TNFAIP8: variants seen among roughly 807,000 people sequenced by gnomAD.
TNFAIP8 encodes tumor necrosis factor alpha-induced protein 8.
TNFAIP8 carries 7 observed loss-of-function variants against 13.3 expected under a neutral mutation model. The ratio of observed to expected loss-of-function variants is 0.52; its 90% CI spans 0.30 to 0.99. The LOEUF (loss-of-function observed/expected upper bound fraction) is 0.99. Among genes scored for constraint, TNFAIP8 ranks in the 50% least tolerant of loss-of-function variants. The pLI is 0.07. For missense variants in TNFAIP8, 258 were observed against 236.9 expected (o/e 1.09, Z -0.58); for synonymous variants, 94 against 87.6 (o/e 1.07, Z -0.41).
intron 1 of TNFAIP8, among the ~76,000 whole-genome samples, chr5:119,344,714 A>C (rs752522116): frequency 4.6e-5 from 7 of 152,222 alleles, no homozygotes; most frequent in African/African-American, 7.2e-5. Context: ...GCAGGAATGG[A>C]GAGAAAAAAA....
chr5:119,350,780 C>G (rs1341746198), intron 1 of TNFAIP8, among the ~76,000 whole-genome samples: 1 of 152,106 alleles, frequency 6.6e-6, no homozygotes, highest in Non-Finnish European at 1.5e-5. Context: ...AGGGATTACC[C>G]ATAACTTCAA....
At chr5:119,382,943 C>G (rs1752543197) in intron 1 of TNFAIP8, among the ~76,000 whole-genome samples, 1 of 152,194 alleles carries the variant, frequency 6.6e-6, no homozygotes, top group Admixed American at 6.5e-5. Context: ...TTATGGTATC[C>G]TTTGTGAAAT....
intron 1 of TNFAIP8, among the ~76,000 whole-genome samples, chr5:119,276,888 G>T (rs892248494): frequency 2.0e-5 from 3 of 152,274 alleles, no homozygotes; most frequent in Admixed American, 1.3e-4. Context: ...TACACAGGGA[G>T]GATCTTTTCA....
intron 1 of TNFAIP8, among the ~76,000 whole-genome samples, chr5:119,338,192 A>ACACG (rs1225272241): frequency 2.0e-5 from 3 of 149,166 alleles, no homozygotes; most frequent in Non-Finnish European, 4.5e-5. Context: ...ACACACACAC[A>ACACG]CACACACACA....
At chr5:119,312,800 T>C (rs1247332418) in intron 1 of TNFAIP8, among the ~76,000 whole-genome samples, 1 of 149,146 alleles carries the variant, frequency 6.7e-6, no homozygotes, top group East Asian at 2.0e-4. Context: ...AAGGAAAATG[T>C]TGGGTAACTA....
chr5:119,367,851 C>T (rs1246131017), intron 1 of TNFAIP8, among the ~76,000 whole-genome samples: 2 of 151,968 alleles, frequency 1.3e-5, no homozygotes, highest in African/African-American at 2.4e-5. Flanking sequence ...TTTTTTCAGG[C>T]CATCACTTTA....
At chr5:119,297,224 C>G (rs1749206129) in intron 1 of TNFAIP8, among the ~76,000 whole-genome samples, 1 of 152,062 alleles carries the variant, frequency 6.6e-6, no homozygotes, top group Non-Finnish European at 1.5e-5. Context: ...ATCTTTCCTG[C>G]TTTCTCTTGT....
chr5:119,348,942 A>C (rs1169079915), intron 1 of TNFAIP8, among the ~76,000 whole-genome samples: 7 of 150,042 alleles, frequency 4.7e-5, no homozygotes, highest in Non-Finnish European at 8.9e-5. Flanking sequence ...TTCAAGCCTG[A>C]GTTCCACACT....
intron 1 of TNFAIP8, among the ~76,000 whole-genome samples, chr5:119,350,466 C>G (rs944115021): frequency 1.3e-5 from 2 of 152,146 alleles, no homozygotes; most frequent in Non-Finnish European, 2.9e-5. Context: ...TGAGAAATGA[C>G]TGTGTTATAA....
Position 119,268,865 on chromosome 5 carries a change from G to C in TNFAIP8, c.-42G>C, listed in dbSNP as rs985498397. The C allele has an allele frequency of 1.1e-5, 8 of 703,296 alleles. No individual in the cohort carries two copies. The African/African-American group carries it at 1.4e-4, about 13-fold the overall frequency. 43.6% of individuals were successfully genotyped at this position (703,296 alleles called of 1,614,324 possible). A position where few individuals can be genotyped will look rare whatever the true frequency, so the allele number is the denominator to read the frequency against. Reference sequence around the variant, plus strand: ...GAACTCGGCGCCGCCAAACAGCCCAGCTCGCGCTTCAGCGTCCCGGCGCCG... The same window carrying C: ...GAACTCGGCGCCGCCAAACAGCCCACCTCGCGCTTCAGCGTCCCGGCGCCG... On this transcript the variant is annotated 5_prime_UTR_variant, in exon 1 of 2. Transcript: ENST00000274456.
chr5:119,386,833 G>A (rs908628869), intron 1 of TNFAIP8, among the ~76,000 whole-genome samples: 2 of 152,126 alleles, frequency 1.3e-5, no homozygotes, highest in African/African-American at 4.8e-5. Context: ...TGGGATTAAG[G>A]TGCCTGGCAC....
chr5:119,285,510 A>C (rs1220618820), intron 1 of TNFAIP8, among the ~76,000 whole-genome samples: 2 of 152,346 alleles, frequency 1.3e-5, no homozygotes, highest in East Asian at 3.9e-4. Flanking sequence ...AGGAGGCTCC[A>C]GAACTACAAA....
intron 1 of TNFAIP8, among the ~76,000 whole-genome samples, chr5:119,305,053 C>T (rs933497734): frequency 2.1e-4 from 32 of 152,234 alleles, no homozygotes; most frequent in Admixed American, 2.0e-3. Flanking sequence ...CTGTAAACTC[C>T]AAGCTGGAAT....
chr5:119,330,893 TG>T (rs1451659234), intron 1 of TNFAIP8, among the ~76,000 whole-genome samples: 1 of 146,196 alleles, frequency 6.8e-6, no homozygotes, highest in Non-Finnish European at 1.5e-5. Flanking sequence ...TCTCAGGGGC[TG>T]GGGGTTAGGG....
rs896534269 is a variant in TNFAIP8, at chr5:119,393,516, A to G, written c.*135A>G. ...ACTTTACCCAATTCAGTTGTCAGAC[A>G]TAATGATTTATTTGAAGGCTTGTTT... On this transcript the variant is annotated 3_prime_UTR_variant, in exon 2 of 2. Coordinates refer to ENST00000504771, the MANE Select transcript of TNFAIP8 (RefSeq NM_014350.4). The G allele has an allele frequency of 4.3e-6, 4 of 933,242 alleles. No individual in the cohort carries two copies. Among genetic ancestry groups the G allele is most frequent in the African/African-American group, 3.3e-5 (2 of 60,288 alleles). 57.8% of individuals were successfully genotyped at this position (933,242 alleles called of 1,614,324 possible).
chr5:119,370,617 G>A (rs1347662908), intron 1 of TNFAIP8, among the ~76,000 whole-genome samples: 1 of 152,216 alleles, frequency 6.6e-6, no homozygotes, highest in Non-Finnish European at 1.5e-5. Context: ...CAAAACACTG[G>A]CCCCTCCTGG....
At chr5:119,371,761 C>T (rs969051520) in intron 1 of TNFAIP8, among the ~76,000 whole-genome samples, 17 of 152,154 alleles carry the variant, frequency 1.1e-4, no homozygotes, top group African/African-American at 4.1e-4. Context: ...CGTGGTGGCT[C>T]ATGCCTGTAA....
rs192388241 is a variant in TNFAIP8 at position 119,327,736 on chromosome 5, C to T, written c.1+58829C>T. Among the ~76,000 whole-genome samples, 140 of 152,136 alleles carry T rather than the reference C, an allele frequency of 9.2e-4. 1 individual carries two copies. The highest frequency in any genetic ancestry group is 3.3e-3 in the African/African-American group (137 of 41,522). ...AGCCTCCCAAAGTGCTGGGATTACACGTGTGAGCCACCGTGCCCGGCCGCG... is the reference window on the plus strand; with the variant it reads ...AGCCTCCCAAAGTGCTGGGATTACATGTGTGAGCCACCGTGCCCGGCCGCG... On this transcript the variant is annotated intron_variant, in intron 1 of 1. Transcript: ENST00000274456.
At chr5:119,307,139 T>C (rs1561993792) in intron 1 of TNFAIP8, among the ~76,000 whole-genome samples, 2 of 152,218 alleles carry the variant, frequency 1.3e-5, no homozygotes, top group Non-Finnish European at 2.9e-5. Context: ...TCAGTTCATA[T>C]TAGGAAGGAG....
Sources: allele counts gnomAD v4.1 joint callset (sites outside exome capture counted in the v4.1 genomes callset), GRCh38; gene constraint gnomAD v4.1.1; transcripts MANE v1.5; gene names NCBI Gene and HGNC (gene_info 2026-07-23, HGNC 2026-07-21).